Variants in RB1CC1 observed in about 807,000 individuals in gnomAD.
RB1CC1 encodes the protein RB1 inducible coiled-coil 1, also known as RB1-inducible coiled-coil protein 1.
Under a neutral mutation model 177.5 loss-of-function variants are expected in RB1CC1, and 46 were observed. That is an observed-to-expected ratio of 0.26 (90% CI 0.20 to 0.33). The LOEUF is 0.33. Among genes scored for constraint, RB1CC1 ranks in the 10% least tolerant of loss-of-function variants. RB1CC1 has a pLI of 1.00. For synonymous variants in RB1CC1, 666 were observed against 613.6 expected (o/e 1.09, Z -1.26); for missense variants, 1,703 against 1,816.3 (o/e 0.94, Z 1.13).
At chr8:52,684,578 T>C (rs1361767081) in intron 3 of RB1CC1, among the ~76,000 whole-genome samples, 1 of 152,208 alleles carries the variant, frequency 6.6e-6, no homozygotes, top group Non-Finnish European at 1.5e-5. Context: ...TCCTGTCCTG[T>C]CAAGCCAGAG....
At chr8:52,675,189 A>G (rs904189101) in intron 6 of RB1CC1, among the ~76,000 whole-genome samples, 8 of 152,168 alleles carry the variant, frequency 5.3e-5, no homozygotes, top group Non-Finnish European at 1.2e-4. Flanking sequence ...GTCTTAATGA[A>G]TCCTTCTCTT....
At chr8:52,692,227 A>T (rs1563451681) in intron 1 of RB1CC1, among the ~76,000 whole-genome samples, 1 of 152,166 alleles carries the variant, frequency 6.6e-6, no homozygotes, top group Non-Finnish European at 1.5e-5. Flanking sequence ...AATACAAAAT[A>T]ATAAAACTGT....
intron 16 of RB1CC1, among the ~76,000 whole-genome samples, chr8:52,643,399 C>T (rs918696118): frequency 2.6e-5 from 4 of 152,124 alleles, no homozygotes; most frequent in African/African-American, 9.7e-5. Context: ...ATGACTGAAT[C>T]TGTATAAAAA....
intron 23 of RB1CC1, 73 bp downstream of exon 23, chr8:52,624,644 G>A (rs1427426088): frequency 1.6e-5 from 19 of 1,219,284 alleles, no homozygotes; most frequent in Non-Finnish European, 2.3e-5. Flanking sequence ...CAGTGGTAAT[G>A]ATTTCTATAT....
At chr8:52,674,409 G>T in intron 6 of RB1CC1, 135 bp from the exon 7 acceptor site, 1 of 750,322 alleles carries the variant, frequency 1.3e-6, no homozygotes, top group African/African-American at 1.8e-5. Context: ...ACATAAACTA[G>T]TCTATGAGCT....
intron 22 of RB1CC1, 42 bp downstream of exon 22, chr8:52,627,990 C>T: frequency 1.3e-6 from 2 of 1,482,928 alleles, no homozygotes; most frequent in African/African-American, 1.5e-5. Flanking sequence ...ATATAATTTC[C>T]TCCATTCCAG....
chr8:52,650,157 A>G (rs1391654919), intron 15 of RB1CC1, among the ~76,000 whole-genome samples: 1 of 152,232 alleles, frequency 6.6e-6, no homozygotes, highest in East Asian at 1.9e-4. Context: ...TGAAAGGGAA[A>G]TATGCCGGAC....
chr8:52,676,622 T>G (rs1308620769), intron 5 of RB1CC1, 51 bp from the exon 6 acceptor site: 1 of 1,493,096 alleles, frequency 6.7e-7, no homozygotes, highest in Non-Finnish European at 9.2e-7. Context: ...ATGGTTTGTT[T>G]GCAGAAGTTT....
At position 52,685,534 on chromosome 8, in the gene RB1CC1, G is replaced by A. The variant is rs957833073; in HGVS notation, c.-51-14C>T. 3 of 1,002,510 alleles carry A rather than the reference G, an allele frequency of 3.0e-6. No individual in the cohort carries two copies. Among genetic ancestry groups the A allele is most frequent in the Admixed American group, 4.3e-5 (2 of 46,636 alleles). 62.1% of individuals were successfully genotyped at this position (1,002,510 alleles called of 1,614,324 possible). On this transcript the variant is annotated splice_polypyrimidine_tract_variant and intron_variant, in intron 2 of 23. Transcript: ENST00000025008. ...CTGATACAGTTACTAGAAGAAACAA[G>A]AGAAGTGATCAATTTTACAAATGCA...
chr8:52,641,966 T>C (rs1233174323), intron 18 of RB1CC1, among the ~76,000 whole-genome samples: 2 of 151,938 alleles, frequency 1.3e-5, no homozygotes, highest in South Asian at 2.1e-4. Flanking sequence ...AAACAAATAA[T>C]AATAATAATA....
Position 52,673,947 on chromosome 8 carries a change from A to G in RB1CC1, c.900T>C (p.Asp300=). The G allele has an allele frequency of 1.2e-6, 2 of 1,614,148 alleles. No individual in the cohort carries two copies. The highest frequency in any genetic ancestry group is 8.5e-7 in the Non-Finnish European group (1 of 1,180,004). The change falls in exon 7 of 24, where the codon GAT becomes GAC. Residue 300 remains aspartate (D), a synonymous_variant. Transcript: ENST00000025008. ...ACAAAGAGACATTAAAAAAGGGCAGATCACCATCTTTAGTGTCAATCGTAG... is the reference window on the plus strand; with the variant it reads ...ACAAAGAGACATTAAAAAAGGGCAGGTCACCATCTTTAGTGTCAATCGTAG... ...DETTIDTKDG[D]LPFFNVSLLD...
At chr8:52,637,912 CT>C (rs1333422540) in intron 18 of RB1CC1, among the ~76,000 whole-genome samples, 1 of 152,180 alleles carries the variant, frequency 6.6e-6, no homozygotes, top group Non-Finnish European at 1.5e-5. Flanking sequence ...CTCAGGTGAT[CT>C]GCCTACTTTG....
Position 52,641,216 on chromosome 8 carries a change from T to C in RB1CC1, c.4337+1135A>G, listed in dbSNP as rs187769815. 6.6e-5 allele frequency among the ~76,000 whole-genome samples: 10 copies of C among 151,704 alleles called. No homozygotes were observed. The East Asian group carries it at 1.9e-3, about 29-fold the overall frequency. ...CTGTCCAACATGGTGAAACCCCGTCTCTACTAAAAATACAAAAATTAGCCA... is the reference window on the plus strand; with the variant it reads ...CTGTCCAACATGGTGAAACCCCGTCCCTACTAAAAATACAAAAATTAGCCA... On this transcript the variant is annotated intron_variant, in intron 18 of 23. Coordinates refer to ENST00000025008, the MANE Select transcript of RB1CC1 (RefSeq NM_014781.5).
intron 20 of RB1CC1, among the ~76,000 whole-genome samples, chr8:52,632,660 T>C (rs1382844560): frequency 6.6e-6 from 1 of 152,162 alleles, no homozygotes; most frequent in Non-Finnish European, 1.5e-5. Flanking sequence ...GCTCTCTGGG[T>C]CTGAAAGACA....
chr8:52,656,337 T>G lies in RB1CC1; in HGVS notation c.3492A>C (p.Gln1164His). ...TTAGGTTTTTTTCTATTTCAAATGC[T>G]TGGTTATGCAAAGATGTTACTTTGT... ...ELNKVTSLHN[Q>H]AFEIEKNLKE... The change falls in exon 15 of 24, where the codon CAA becomes CAC. Residue 1164 changes from glutamine (Q) to histidine (H), a missense_variant. By Grantham distance (24) the Gln-to-His change is conservative. Transcript: ENST00000025008. The G allele has an allele frequency of 6.2e-7, 1 of 1,612,656 alleles. No individual in the cohort carries two copies. Among genetic ancestry groups the G allele is most frequent in the Non-Finnish European group, 8.5e-7 (1 of 1,179,662 alleles).
chr8:52,708,335 T>G (rs1284493929), intron 1 of RB1CC1, among the ~76,000 whole-genome samples: 1 of 151,978 alleles, frequency 6.6e-6, no homozygotes, highest in Admixed American at 6.6e-5. Flanking sequence ...GCTAACACAG[T>G]GAAACCCCGT....
intron 19 of RB1CC1, 29 bp downstream of exon 19, chr8:52,635,986 A>T: frequency 1.2e-6 from 2 of 1,603,752 alleles, no homozygotes; most frequent in Non-Finnish European, 1.7e-6. Flanking sequence ...CATATTAAAC[A>T]TGGTACTTCA....
intron 15 of RB1CC1, among the ~76,000 whole-genome samples, chr8:52,650,421 C>A (rs184683288): frequency 6.6e-6 from 1 of 152,160 alleles, no homozygotes; most frequent in African/African-American, 2.4e-5. Context: ...AGACAACTGA[C>A]GAAAGTCTTC....
At chr8:52,687,805 AAAT>A (rs1278904362) in intron 1 of RB1CC1, among the ~76,000 whole-genome samples, 6 of 152,176 alleles carry the variant, frequency 3.9e-5, no homozygotes, top group African/African-American at 1.4e-4. Flanking sequence ...AGAATCTATA[AAAT>A]AATAGATTTA....
Sources: gnomAD v4.1 joint callset for allele counts (sites outside exome capture counted in the v4.1 genomes callset) on GRCh38, gnomAD v4.1.1 for gene constraint, MANE v1.5 for transcripts, NCBI Gene and HGNC (gene_info 2026-07-23, HGNC 2026-07-21) for gene names.